Variants in ZNRF3 observed in about 807,000 individuals in gnomAD.
ZNRF3 encodes the protein E3 ubiquitin-protein ligase ZNRF3.
ZNRF3 carries 23 observed loss-of-function variants against 72.5 expected under a neutral mutation model. The observed-to-expected ratio is 0.32, with a 90% CI of 0.23 to 0.45. The LOEUF (loss-of-function observed/expected upper bound fraction) is 0.45, where lower values mean the gene tolerates loss of function less well. ZNRF3 is among the 20% of genes least tolerant of loss of function. ZNRF3 has a pLI of 1.00. For synonymous variants in ZNRF3, 610 were observed against 545.3 expected (o/e 1.12, Z -1.65); for missense variants, 1,169 against 1,272.1 (o/e 0.92, Z 1.23).
At chr22:29,009,877 T>A (rs1227300676) in intron 2 of ZNRF3, among the ~76,000 whole-genome samples, 3 of 151,274 alleles carry the variant, frequency 2.0e-5, no homozygotes, top group African/African-American at 7.3e-5. Flanking sequence ...GCACCCATCA[T>A]CACTGACCAT....
intron 1 of ZNRF3, among the ~76,000 whole-genome samples, chr22:28,946,325 G>T (rs1452645439): frequency 1.3e-5 from 2 of 151,990 alleles, no homozygotes; most frequent in Non-Finnish European, 2.9e-5. Flanking sequence ...TGTGTTTGTG[G>T]GTTTGTGCTT....
chr22:29,051,898 A>C (rs1456387805), intron 8 of ZNRF3, among the ~76,000 whole-genome samples: 2 of 150,958 alleles, frequency 1.3e-5, no homozygotes, highest in African/African-American at 2.4e-5. Context: ...AAAAAAAAAA[A>C]ACCTAGGCCC....
intron 1 of ZNRF3, among the ~76,000 whole-genome samples, chr22:28,937,194 TATATATATATA>T (rs2034840469): frequency 3.0e-4 from 1 of 3,388 alleles, no homozygotes; most frequent in African/African-American, 4.9e-4. Flanking sequence ...TATATATATA[TATATATATATA>T]TATATATATA....
Position 29,050,601 on chromosome 22 carries a change from A to G in ZNRF3, c.2420A>G (p.Gln807Arg), listed in dbSNP as rs1352631605. Residue 807 changes from glutamine (Q) to arginine (R), a missense_variant, in exon 8 of 9, where the codon CAG becomes CGG. Gln to Arg is a conservative substitution (Grantham distance 43). Around this residue, in one of 2 missense-constraint regions of ZNRF3, gnomAD observed 783 missense variants for 731.4 expected, o/e 1.07. Coordinates refer to ENST00000544604, the MANE Select transcript of ZNRF3 (RefSeq NM_001206998.2). ...CYTEDYSVSV[Q>R]YTLTEEPPPG... is the part of the protein sequence containing the mutation. ...ACTGAGGACTACTCGGTGAGTGTGC[A>G]GTACACGCTCACCGAGGAACCACCG... The G allele has an allele frequency of 6.2e-7, 1 of 1,609,444 alleles. No individual in the cohort carries two copies. The highest frequency in any genetic ancestry group is 8.5e-7 in the Non-Finnish European group (1 of 1,178,392).
intron 1 of ZNRF3, among the ~76,000 whole-genome samples, chr22:28,924,211 C>T (rs150930939): frequency 1.1e-4 from 17 of 152,334 alleles, no homozygotes; most frequent in African/African-American, 3.8e-4. Context: ...TGGAGGGCTC[C>T]ACTCTGGCCT....
rs2033706651 is a variant in ZNRF3, at chr22:28,883,610, G to A, written c.-157G>A. ...GTGGAGCAGATGAAAGGGCCGCGGC[G>A]CGACGGCCGGGGGAGCCGAGCTGAG... On this transcript the variant is annotated 5_prime_UTR_variant, in exon 1 of 9. Coordinates refer to ENST00000544604, the MANE Select transcript of ZNRF3 (RefSeq NM_001206998.2). This position sits in a 1 kb window ranked among gnomAD's most constrained non-coding sequence, Gnocchi z 5.5. 2 of 736,804 alleles carry A rather than the reference G, an allele frequency of 2.7e-6. No homozygotes were observed. The highest frequency in any genetic ancestry group is 6.3e-5 in the Admixed American group (1 of 15,890). The allele number at this position is 736,804 out of a possible 1,614,324, so 45.6% of individuals were successfully genotyped here. A position where few individuals can be genotyped will look rare whatever the true frequency, so the allele number is the denominator to read the frequency against.
At chr22:29,051,206 C>T (rs1045647533) in intron 8 of ZNRF3, among the ~76,000 whole-genome samples, 1 of 152,108 alleles carries the variant, frequency 6.6e-6, no homozygotes, top group African/African-American at 2.4e-5. Flanking sequence ...TACTCATTTC[C>T]CCCTCTGCCC....
At chr22:29,005,123 T>A (rs2036218626) in intron 2 of ZNRF3, among the ~76,000 whole-genome samples, 1 of 152,184 alleles carries the variant, frequency 6.6e-6, no homozygotes, top group Admixed American at 6.5e-5. Flanking sequence ...ACTGGGAAGC[T>A]CTTAGCGCCA....
At chr22:29,011,560 G>T (rs1369462641) in intron 2 of ZNRF3, among the ~76,000 whole-genome samples, 1 of 152,228 alleles carries the variant, frequency 6.6e-6, no homozygotes, top group Non-Finnish European at 1.5e-5. Context: ...AAATAAAAAA[G>T]ATTTTTCAAC....
At chr22:28,980,627 T>C (rs1569269245) in intron 1 of ZNRF3, among the ~76,000 whole-genome samples, 1 of 152,210 alleles carries the variant, frequency 6.6e-6, no homozygotes, top group Non-Finnish European at 1.5e-5. Context: ...CCCAAAGTTA[T>C]TGCACAAAGA....
chr22:28,890,761 T>C (rs2033870455), intron 1 of ZNRF3, among the ~76,000 whole-genome samples: 1 of 148,040 alleles, frequency 6.8e-6, no homozygotes, highest in African/African-American at 2.6e-5. Context: ...TTTCTCTCTC[T>C]CTCTCTTTTT....
intron 2 of ZNRF3, among the ~76,000 whole-genome samples, chr22:29,022,437 G>C (rs940874461): frequency 6.6e-6 from 1 of 152,114 alleles, no homozygotes; most frequent in Non-Finnish European, 1.5e-5. Flanking sequence ...GGGGAGCCTG[G>C]TATTTCTGAG....
Position 29,048,436 on chromosome 22 carries a change from G to A in ZNRF3, c.960G>A (p.Val320=). The change falls in exon 7 of 9, where the codon GTG becomes GTA. Residue 320 remains valine (V), a synonymous_variant. Transcript: ENST00000544604. The surrounding 1 kb of genome is among the most constrained non-coding windows in gnomAD (Gnocchi z 4.9). ...CTCACCGGTTTCACAGGAAGTGCGT[G>A]GACCCCTGGCTGCTGCAGCACCACA... ...PCTHRFHRKC[V]DPWLLQHHTC... 6.2e-7 allele frequency: 1 copy of A among 1,614,156 alleles called. No homozygotes were observed. The highest frequency in any genetic ancestry group is 1.3e-5 in the African/African-American group (1 of 75,042).
chr22:29,042,633 T>C, intron 3 of ZNRF3, 64 bp downstream of exon 3: 1 of 1,470,434 alleles, frequency 6.8e-7, no homozygotes, highest in Non-Finnish European at 9.5e-7. Context: ...TTTAGTGAGC[T>C]TGGCTTGTCC....
intron 1 of ZNRF3, among the ~76,000 whole-genome samples, chr22:28,978,774 C>T (rs1053746461): frequency 6.6e-6 from 1 of 152,178 alleles, no homozygotes; most frequent in African/African-American, 2.4e-5. Flanking sequence ...TTGTCTTCAT[C>T]TCTGTGATTC....
chr22:28,937,197 ATATATATATATATATATATTTTTTT>A (rs1235973476), intron 1 of ZNRF3, among the ~76,000 whole-genome samples: 18 of 47,016 alleles, frequency 3.8e-4, no homozygotes, highest in African/African-American at 2.8e-3. Flanking sequence ...ATATATATAT[ATATATATATATATATATATTTTTTT>A]TTTTTTTTTT....
intron 2 of ZNRF3, among the ~76,000 whole-genome samples, chr22:29,002,880 G>A (rs1164207557): frequency 6.6e-6 from 1 of 152,194 alleles, no homozygotes; most frequent in African/African-American, 2.4e-5. Flanking sequence ...CACATGGCAG[G>A]GGGAGATCCT....
chr22:28,929,703 TG>T (rs1251596056), intron 1 of ZNRF3, among the ~76,000 whole-genome samples: 1 of 152,236 alleles, frequency 6.6e-6, no homozygotes, highest in Non-Finnish European at 1.5e-5. Context: ...GACAACTGAG[TG>T]TGTGCCTTTT....
chr22:29,036,018 G>C (rs2036861088), intron 2 of ZNRF3, among the ~76,000 whole-genome samples: 1 of 152,104 alleles, frequency 6.6e-6, no homozygotes, highest in South Asian at 2.1e-4. Flanking sequence ...CTACATTTTG[G>C]TGGGCGTGTG....
Sources: allele counts gnomAD v4.1 joint callset (sites outside exome capture counted in the v4.1 genomes callset), GRCh38; gene constraint gnomAD v4.1.1; regional missense constraint gnomAD v4.1.1; non-coding constraint Gnocchi (gnomAD v3.1); transcripts MANE v1.5; gene names NCBI Gene and HGNC (gene_info 2026-07-23, HGNC 2026-07-21).